AGBL4: variants seen among roughly 807,000 people sequenced by gnomAD.
The protein encoded by AGBL4 is cytosolic carboxypeptidase 6.
A neutral mutation model predicts 66.4 loss-of-function variants in AGBL4; 58 were observed. The observed-to-expected ratio is 0.87, with a 90% CI of 0.71 to 1.09. The LOEUF (loss-of-function observed/expected upper bound fraction) is 1.09. Ranked by LOEUF, AGBL4 falls within the 50% of genes least tolerant of loss-of-function variation. AGBL4 has a pLI of 0.00. For missense variants in AGBL4, 579 were observed against 631.0 expected (o/e 0.92, Z 0.88); for synonymous variants, 234 against 222.9 (o/e 1.05, Z -0.44).
intron 1 of AGBL4, among the ~76,000 whole-genome samples, chr1:49,863,749 A>G (rs1557523975): frequency 2.0e-5 from 3 of 152,196 alleles, no homozygotes. Context: ...CTCTCTCAAA[A>G]TGGCTAATAT....
chr1:48,841,257 G>A (rs1475843504), intron 6 of AGBL4, among the ~76,000 whole-genome samples: 1 of 152,002 alleles, frequency 6.6e-6, no homozygotes, highest in Non-Finnish European at 1.5e-5. Context: ...CAATTTAACG[G>A]TGTGTTAATA....
At chr1:48,883,668 C>T (rs933643856) in intron 5 of AGBL4, among the ~76,000 whole-genome samples, 37 of 152,290 alleles carry the variant, frequency 2.4e-4, no homozygotes, top group African/African-American at 8.7e-4. Flanking sequence ...AACTGTGTCC[C>T]ATTCACCACT....
chr1:49,643,230 T>A (rs937481752), intron 3 of AGBL4, among the ~76,000 whole-genome samples: 1 of 151,790 alleles, frequency 6.6e-6, no homozygotes, highest in African/African-American at 2.4e-5. Flanking sequence ...AAAGCCATAT[T>A]AAACACTGCT....
intron 3 of AGBL4, among the ~76,000 whole-genome samples, chr1:49,580,943 G>C (rs996667545): frequency 6.6e-6 from 1 of 151,956 alleles, no homozygotes; most frequent in South Asian, 2.1e-4. Context: ...CTATTAACTT[G>C]TTAAATAGAT....
At chr1:49,676,183 T>C (rs1465498405) in intron 3 of AGBL4, among the ~76,000 whole-genome samples, 1 of 152,062 alleles carries the variant, frequency 6.6e-6, no homozygotes, top group Non-Finnish European at 1.5e-5. Context: ...AATTCCAATA[T>C]TTCTGACCCT....
chr1:49,932,594 G>GT (rs1315513998), intron 1 of AGBL4, among the ~76,000 whole-genome samples: 1 of 151,906 alleles, frequency 6.6e-6, no homozygotes, highest in African/African-American at 2.4e-5. Context: ...TGTAAATCAG[G>GT]TATCTGATAA....
chr1:49,918,208 A>G (rs991775167), intron 1 of AGBL4, among the ~76,000 whole-genome samples: 1 of 152,170 alleles, frequency 6.6e-6, no homozygotes, highest in African/African-American at 2.4e-5. Context: ...TTCAAAAGCT[A>G]GCAGAGGGCA....
chr1:48,679,887 G>A (rs976801742), intron 6 of AGBL4, among the ~76,000 whole-genome samples: 6 of 152,222 alleles, frequency 3.9e-5, no homozygotes, highest in African/African-American at 9.6e-5. Context: ...AGAGGCCGCC[G>A]TGTGTCCCAG....
At chr1:48,895,842 AC>A (rs1651453009) in intron 5 of AGBL4, among the ~76,000 whole-genome samples, 2 of 152,220 alleles carry the variant, frequency 1.3e-5, no homozygotes, top group African/African-American at 4.8e-5. Flanking sequence ...TGACAATGTT[AC>A]ATGGGCAGTG....
At chr1:49,887,381 C>T (rs61785472) in intron 1 of AGBL4, among the ~76,000 whole-genome samples, 2 of 151,568 alleles carry the variant, frequency 1.3e-5, no homozygotes, top group Admixed American at 6.6e-5. Flanking sequence ...ACTGAGTCTT[C>T]AGTAGCTACC....
At chr1:49,161,260 G>A (rs78803046) in intron 4 of AGBL4, among the ~76,000 whole-genome samples, 160 of 152,296 alleles carry the variant, frequency 1.1e-3, no homozygotes, top group Non-Finnish European at 1.8e-3. Flanking sequence ...CGAGTACATG[G>A]TTCCTCACAG....
At chr1:49,015,788 C>G (rs1033897050) in intron 5 of AGBL4, among the ~76,000 whole-genome samples, 1 of 152,040 alleles carries the variant, frequency 6.6e-6, no homozygotes, top group African/African-American at 2.4e-5. Context: ...GTACCACTTA[C>G]ATAATTTTAC....
At chr1:49,514,262 T>A (rs1035321614) in intron 3 of AGBL4, among the ~76,000 whole-genome samples, 2 of 151,948 alleles carry the variant, frequency 1.3e-5, no homozygotes, top group African/African-American at 4.8e-5. Context: ...CTGTGTTGAA[T>A]AGGAGTGGTG....
At chr1:49,950,080 A>G (rs1328543805) in intron 1 of AGBL4, among the ~76,000 whole-genome samples, 2 of 140,886 alleles carry the variant, frequency 1.4e-5, no homozygotes, top group East Asian at 2.1e-4. Context: ...ATATACACAT[A>G]TGTGTATATA....
At chr1:49,472,289 C>G (rs929109505) in intron 3 of AGBL4, among the ~76,000 whole-genome samples, 1 of 152,000 alleles carries the variant, frequency 6.6e-6, no homozygotes, top group Non-Finnish European at 1.5e-5. Flanking sequence ...TAGGAAACCA[C>G]ATATACCAAG....
chr1:49,549,004 G>A (rs1652735576), intron 3 of AGBL4, among the ~76,000 whole-genome samples: 1 of 151,880 alleles, frequency 6.6e-6, no homozygotes, highest in Non-Finnish European at 1.5e-5. Context: ...AGCTAGGAGT[G>A]TTGCATCTTT....
chr1:49,571,432 G>A (rs1571073559), intron 3 of AGBL4, among the ~76,000 whole-genome samples: 1 of 151,938 alleles, frequency 6.6e-6, no homozygotes, highest in African/African-American at 2.4e-5. Context: ...TTTGTATCCT[G>A]CATGATTACT....
intron 4 of AGBL4, among the ~76,000 whole-genome samples, chr1:49,191,894 G>A (rs1282134260): frequency 6.6e-6 from 1 of 152,068 alleles, no homozygotes; most frequent in Admixed American, 6.6e-5. Flanking sequence ...CCATGTCTTT[G>A]CTATTGTGAA....
chr1:49,556,344 A>G (rs1195033938), intron 3 of AGBL4, among the ~76,000 whole-genome samples: 2 of 152,058 alleles, frequency 1.3e-5, no homozygotes, highest in African/African-American at 4.8e-5. Flanking sequence ...ACTTGGACAC[A>G]GGAAGGGGAA....
Sources: gnomAD v4.1 joint callset for allele counts (sites outside exome capture counted in the v4.1 genomes callset) on GRCh38, gnomAD v4.1.1 for gene constraint, MANE v1.5 for transcripts, NCBI Gene and HGNC (gene_info 2026-07-23, HGNC 2026-07-21) for gene names.